ITIH2: variants seen among roughly 807,000 people sequenced by gnomAD.
ITIH2 encodes the protein inter-alpha-trypsin inhibitor heavy chain H2.
In ITIH2, 103 loss-of-function variants were observed where a neutral mutation model predicts 104.4. The ratio of observed to expected loss-of-function variants is 0.99; its 90% CI spans 0.84 to 1.16. The LOEUF (loss-of-function observed/expected upper bound fraction) is 1.16. Ranked by LOEUF, ITIH2 falls within the 50% of genes most tolerant of loss-of-function variation. ITIH2 has a pLI of 0.00. For synonymous variants in ITIH2, 436 were observed against 435.4 expected (o/e 1.00, Z -0.02); for missense variants, 1,108 against 1,162.4 (o/e 0.95, Z 0.68).
rs894575097 is a variant in ITIH2, at chr10:7,731,997, G to A, written c.1647+1G>A. Reference sequence around the variant, plus strand: ...AGAGAGCGTTATCACGGCGACTTCGGTACTTCCACTTATCCATTTATTCTA... The same window carrying A: ...AGAGAGCGTTATCACGGCGACTTCGATACTTCCACTTATCCATTTATTCTA... On this transcript the variant is annotated splice_donor_variant, in intron 13 of 20. Transcript: ENST00000358415. LOFTEE classifies it high-confidence loss of function. 24 of 1,610,446 alleles carry A rather than the reference G, an allele frequency of 1.5e-5. No individual in the cohort carries two copies. The highest frequency in any genetic ancestry group is 2.7e-5 in the African/African-American group (2 of 74,812).
At chr10:7,745,231 T>G (rs568065241) in intron 19 of ITIH2, among the ~76,000 whole-genome samples, 1 of 152,274 alleles carries the variant, frequency 6.6e-6, no homozygotes, top group East Asian at 1.9e-4. Flanking sequence ...GTTAAAGATT[T>G]TTTTCTAACT....
In ITIH2 at chr10:7,744,897, G is replaced by C. The variant is rs755625804; in HGVS notation, c.2515G>C (p.Val839Leu). The C allele has an allele frequency of 5.0e-6, 8 of 1,614,156 alleles. No homozygotes were observed. In the East Asian group the frequency reaches 1.8e-4, roughly 36 times the overall value. Residue 839 changes from valine to leucine, a missense_variant, in exon 19 of 21, where the codon GTT (valine) becomes CTT (leucine). Physicochemically the swap from Val to Leu is conservative, Grantham distance 32. Coordinates refer to ENST00000358415, the MANE Select transcript of ITIH2 (RefSeq NM_002216.3). ...HRVWKKHPVNVDFLGIYIPPT... is the reference protein window; with the variant it reads ...HRVWKKHPVNLDFLGIYIPPT... ...TGTTTGGAAGAAGCATCCCGTCAAT[G>C]TTGACTTTCTGGGAATCTACATACC...
chr10:7,713,234 G>A lies in ITIH2; in HGVS notation c.416G>A (p.Arg139Gln), dbSNP rs776076565. Reference protein sequence around the residue: ...RSSIKEKTVGRALYAQARAKG... With the variant: ...RSSIKEKTVGQALYAQARAKG... The stretch of plus-strand genomic sequence containing the variant: ...TCTATTAAGGAGAAAACTGTGGGCC[G>A]AGCTCTTTATGCACAGGCCAGAGCA... The change falls in exon 5 of 21, where the codon CGA (arginine) becomes CAA (glutamine). Residue 139 changes from arginine to glutamine, a missense_variant. Coordinates refer to ENST00000358415, the MANE Select transcript of ITIH2 (RefSeq NM_002216.3). The A allele has an allele frequency of 1.1e-5, 18 of 1,614,156 alleles. No homozygotes were observed. Among genetic ancestry groups the A allele is most frequent in the Middle Eastern group, 1.6e-4 (1 of 6,062 alleles).
Position 7,729,791 on chromosome 10 carries a change from C to T in ITIH2, c.1280-161C>T, listed in dbSNP as rs538077577. 4.4e-4 allele frequency: 234 copies of T among 526,500 alleles called. 1 individual carries two copies. The Admixed American group carries it at 5.1e-3, about 11-fold the overall frequency. The allele number at this position is 526,500 out of a possible 1,614,324, so 32.6% of individuals were successfully genotyped here. ...AACCCACACTTCATTTCAACATGTA[C>T]GAGTGCATCTCTAAGAAAAACTAGA... On this transcript the variant is annotated intron_variant, in intron 11 of 20. Coordinates refer to ENST00000358415, the MANE Select transcript of ITIH2 (RefSeq NM_002216.3).
Position 7,731,936 on chromosome 10 carries a change from G to C in ITIH2, c.1587G>C (p.Val529=). Reference sequence around the variant, plus strand: ...ACTTTGGAGGCTCAGAGATTGTGGTGGCAGGAAAATTTGACCCTGCTAAAT... The same window carrying C: ...ACTTTGGAGGCTCAGAGATTGTGGTCGCAGGAAAATTTGACCCTGCTAAAT... ...HNYFGGSEIV[V]AGKFDPAKLD... The change falls in exon 13 of 21, where the codon GTG becomes GTC. Residue 529 remains valine, a synonymous_variant. Transcript: ENST00000358415. 1.2e-6 allele frequency: 2 copies of C among 1,614,040 alleles called. No homozygotes were observed. The highest frequency in any genetic ancestry group is 1.7e-6 in the Non-Finnish European group (2 of 1,179,974).
At chr10:7,743,603 A>AC (rs996168461) in intron 17 of ITIH2, among the ~76,000 whole-genome samples, 15 of 151,614 alleles carry the variant, frequency 9.9e-5, no homozygotes, top group South Asian at 2.1e-4. Context: ...ATGAAACCCC[A>AC]CCCCCCACTA....
chr10:7,744,004 A>C, intron 17 of ITIH2, 78 bp from the exon 18 acceptor site: 2 of 1,046,700 alleles, frequency 1.9e-6, no homozygotes, highest in Non-Finnish European at 2.7e-6. Context: ...CCAAGTTTTT[A>C]TAAATTTGAA....
chr10:7,745,685 G>A (rs1326733109), intron 19 of ITIH2, among the ~76,000 whole-genome samples: 2 of 151,908 alleles, frequency 1.3e-5, no homozygotes, highest in Non-Finnish European at 2.9e-5. Context: ...ATTGGAGGCT[G>A]CAGTGAGCTA....
intron 12 of ITIH2, 122 bp from the exon 13 acceptor site, chr10:7,731,689 C>A: frequency 1.5e-6 from 1 of 648,918 alleles, no homozygotes; most frequent in Non-Finnish European, 2.4e-6. Context: ...CCCACCACTG[C>A]ACTCCAGCCT....
chr10:7,710,528 T>C (rs1253050599), intron 4 of ITIH2, among the ~76,000 whole-genome samples: 1 of 147,808 alleles, frequency 6.8e-6, no homozygotes, highest in East Asian at 2.0e-4. Flanking sequence ...AGTCTGGCTA[T>C]TTTTTTTTTA....
In ITIH2 at chr10:7,738,742, CCCA is replaced by C; in HGVS notation, c.2081_2083del (p.Pro694del). The stretch of plus-strand genomic sequence containing the variant: ...CTCAGGTGCTAGAGTCCACGCCACC[CCCA>C]CATGTGATGAGAGGTAACGCTTCTA... On this transcript the variant is annotated inframe_deletion, in exon 16 of 21. Transcript: ENST00000358415. 6.2e-7 allele frequency: 1 copy of C among 1,611,112 alleles called. No homozygotes were observed. Among genetic ancestry groups the C allele is most frequent in the East Asian group, 2.2e-5 (1 of 44,580 alleles).
At chr10:7,712,556 T>TA (rs1834806042) in intron 4 of ITIH2, among the ~76,000 whole-genome samples, 1 of 152,066 alleles carries the variant, frequency 6.6e-6, no homozygotes, top group South Asian at 2.1e-4. Flanking sequence ...TCAAAGGGGA[T>TA]ACCCAAAGAG....
chr10:7,743,185 G>T lies in ITIH2; in HGVS notation c.2135G>T (p.Ser712Ile). 6.3e-7 allele frequency: 1 copy of T among 1,589,656 alleles called. No individual in the cohort carries two copies. The highest frequency in any genetic ancestry group is 2.3e-5 in the East Asian group (1 of 43,680). Residue 712 changes from serine to isoleucine, a missense_variant, in exon 17 of 21, where the codon AGC becomes ATC. Coordinates refer to ENST00000358415, the MANE Select transcript of ITIH2 (RefSeq NM_002216.3). ...CATTTCATCATTTATCTACCAAAAAGCCAAAAGAACATTTGTTTCAATATT... is the reference window on the plus strand; with the variant it reads ...CATTTCATCATTTATCTACCAAAAATCCAAAAGAACATTTGTTTCAATATT... The part of the protein sequence containing the change: ...DPHFIIYLPK[S>I]QKNICFNIDS...
intron 16 of ITIH2, among the ~76,000 whole-genome samples, chr10:7,741,868 C>T (rs1835127623): frequency 6.6e-6 from 1 of 152,186 alleles, no homozygotes; most frequent in South Asian, 2.1e-4. Flanking sequence ...ACCTCCACTC[C>T]TTCCTCATTC....
chr10:7,713,126 A>G (rs1043890256), intron 4 of ITIH2, 55 bp from the exon 5 acceptor site: 128 of 413,124 alleles, frequency 3.1e-4, no homozygotes, highest in Non-Finnish European at 3.8e-4. Flanking sequence ...TCTCGAGGGG[A>G]AAAAAAAAAA....
At chr10:7,725,145 A>G (rs1275622845) in intron 9 of ITIH2, among the ~76,000 whole-genome samples, 1 of 152,234 alleles carries the variant, frequency 6.6e-6, no homozygotes, top group East Asian at 1.9e-4. Context: ...CAAATGTACA[A>G]GTACGTTCAA....
At chr10:7,712,014 G>A (rs1834800480) in intron 4 of ITIH2, among the ~76,000 whole-genome samples, 1 of 152,156 alleles carries the variant, frequency 6.6e-6, no homozygotes, top group Admixed American at 6.5e-5. Context: ...GGTCCCCAAG[G>A]GAGATGGTTT....
At chr10:7,735,243 G>C (rs1378896350) in intron 15 of ITIH2, 152 bp downstream of exon 15, 8 of 640,690 alleles carry the variant, frequency 1.2e-5, no homozygotes, top group Non-Finnish European at 1.8e-5. Flanking sequence ...TGCCAGCTGG[G>C]AGGAGGATGG....
chr10:7,706,821 T>C (rs1042298832), intron 2 of ITIH2, among the ~76,000 whole-genome samples: 3 of 152,150 alleles, frequency 2.0e-5, no homozygotes, highest in African/African-American at 7.2e-5. Context: ...GGGAACAGCA[T>C]GCCCACAGCC....
Sources: gnomAD v4.1 joint callset for allele counts (sites outside exome capture counted in the v4.1 genomes callset) on GRCh38, gnomAD v4.1.1 for gene constraint, MANE v1.5 for transcripts, NCBI Gene and HGNC (gene_info 2026-07-23, HGNC 2026-07-21) for gene names.